PTPRN2: variants seen among roughly 807,000 people sequenced by gnomAD.
PTPRN2 encodes protein tyrosine phosphatase receptor type N2, also known as receptor-type tyrosine-protein phosphatase N2.
PTPRN2 carries 74 observed loss-of-function variants against 118.8 expected under a neutral mutation model. The observed-to-expected ratio is 0.62, with a 90% CI of 0.52 to 0.76. The LOEUF (loss-of-function observed/expected upper bound fraction) is 0.76. Among genes scored for constraint, PTPRN2 ranks in the 30% least tolerant of loss-of-function variants. The pLI is 0.00. For missense variants in PTPRN2, 1,481 were observed against 1,394.4 expected (o/e 1.06, Z -0.99); for synonymous variants, 641 against 608.0 (o/e 1.05, Z -0.80).
intron 6 of PTPRN2, among the ~76,000 whole-genome samples, chr7:158,147,868 G>A (rs1820344902): frequency 6.3e-5 from 8 of 127,674 alleles, no homozygotes; most frequent in Non-Finnish European, 1.4e-4. Context: ...CCCCTTCAAT[G>A]ACACCCCATC....
intron 2 of PTPRN2, among the ~76,000 whole-genome samples, chr7:158,323,749 C>T (rs1024761681): frequency 6.6e-6 from 1 of 152,116 alleles, no homozygotes; most frequent in African/African-American, 2.4e-5. Flanking sequence ...CAAACACAGG[C>T]CTCCTCCAGG....
chr7:158,143,861 C>T (rs1008761745), intron 6 of PTPRN2, among the ~76,000 whole-genome samples: 1 of 152,154 alleles, frequency 6.6e-6, no homozygotes, highest in Non-Finnish European at 1.5e-5. Flanking sequence ...GCAGGCACCA[C>T]AAGGCCTGGG....
rs1639796 is a variant in PTPRN2, at chr7:157,563,009, C to A, written c.2902+5893G>T. 1.6e-4 allele frequency among the ~76,000 whole-genome samples: 9 copies of A among 54,832 alleles called. 4 individuals carry two copies. The highest frequency in any genetic ancestry group is 1.7e-3 in the South Asian group (2 of 1,182). 36.0% of individuals were successfully genotyped at this position (54,832 alleles called of 152,430 possible). On this transcript the variant is annotated intron_variant, in intron 21 of 22. Coordinates refer to ENST00000389418, the MANE Select transcript of PTPRN2 (RefSeq NM_002847.5). The stretch of plus-strand genomic sequence containing the variant: ...ACACAGCAGATCAGGACCACATGCT[C>A]CCACGTCACCACACACAGCAGATCA...
chr7:158,115,806 T>C (rs1563455834), intron 9 of PTPRN2, among the ~76,000 whole-genome samples: 1 of 152,172 alleles, frequency 6.6e-6, no homozygotes, highest in Non-Finnish European at 1.5e-5. Flanking sequence ...AGAGGAAAGA[T>C]CCTGAGGTCA....
chr7:158,332,326 G>A (rs1298802834), intron 2 of PTPRN2, among the ~76,000 whole-genome samples: 1 of 47,864 alleles, frequency 2.1e-5, no homozygotes, highest in Non-Finnish European at 5.6e-5. Context: ...CTCACCATAA[G>A]AGCTGAGGCC....
intron 12 of PTPRN2, among the ~76,000 whole-genome samples, chr7:157,796,757 G>A (rs891349882): frequency 2.6e-5 from 4 of 152,178 alleles, no homozygotes; most frequent in African/African-American, 7.2e-5. Flanking sequence ...CTCGTCCCAC[G>A]GTGGGCGTAG....
At chr7:158,102,738 C>T (rs543729724) in intron 10 of PTPRN2, among the ~76,000 whole-genome samples, 1 of 152,108 alleles carries the variant, frequency 6.6e-6, no homozygotes, top group Admixed American at 6.5e-5. Context: ...TTGAATCACA[C>T]TTGCACTTAA....
intron 12 of PTPRN2, among the ~76,000 whole-genome samples, chr7:157,817,824 G>T (rs1292375885): frequency 2.0e-5 from 3 of 151,988 alleles, no homozygotes; most frequent in African/African-American, 7.3e-5. Flanking sequence ...TGCATGTTTG[G>T]TGTGTGTGTG....
intron 12 of PTPRN2, chr7:157,740,226 A>C (rs1196284807): frequency 6.6e-6 from 1 of 152,250 alleles, no homozygotes; most frequent in African/African-American, 2.4e-5. Flanking sequence ...TTATGTATAC[A>C]TTGTTAAATT....
intron 1 of PTPRN2, among the ~76,000 whole-genome samples, chr7:158,569,448 C>T (rs1158509131): frequency 6.6e-6 from 1 of 152,260 alleles, no homozygotes; most frequent in Non-Finnish European, 1.5e-5. Flanking sequence ...CTGACACCCT[C>T]CCCGGGACGT....
At chr7:157,994,241 T>TG (rs1335975570) in intron 11 of PTPRN2, among the ~76,000 whole-genome samples, 2 of 152,182 alleles carry the variant, frequency 1.3e-5, no homozygotes, top group African/African-American at 4.8e-5. Context: ...CACTTAACAC[T>TG]GGGTGGCAAT....
intron 5 of PTPRN2, among the ~76,000 whole-genome samples, chr7:158,172,348 A>C (rs1432675269): frequency 6.6e-6 from 1 of 152,218 alleles, no homozygotes; most frequent in Non-Finnish European, 1.5e-5. Flanking sequence ...CACACAACTC[A>C]GAGGAGGAAC....
chr7:158,135,999 A>G (rs1364098578), intron 8 of PTPRN2, among the ~76,000 whole-genome samples: 2 of 152,228 alleles, frequency 1.3e-5, no homozygotes, highest in Admixed American at 6.5e-5. Flanking sequence ...AAGACTTAAC[A>G]GGGAAGGCCA....
At chr7:158,521,910 A>C (rs1286629572) in intron 1 of PTPRN2, among the ~76,000 whole-genome samples, 8 of 90,218 alleles carry the variant, frequency 8.9e-5, no homozygotes, top group South Asian at 4.2e-4. Context: ...CTCAGGAGGG[A>C]GGTCCACGTC....
rs749277422 is a variant in PTPRN2 at position 158,143,008 on chromosome 7, C to T, written c.911-4493G>A. ...AGAATCAGAAGAGCCATCTCAGCCT[C>T]GCAACCGAGCCACCGAGCCACGAGC... On this transcript the variant is annotated intron_variant, in intron 6 of 22. Transcript: ENST00000389418. Among the ~76,000 whole-genome samples, 7 of 152,314 alleles carry T rather than the reference C, an allele frequency of 4.6e-5. No individual in the cohort carries two copies. In the East Asian group the frequency reaches 9.7e-4, roughly 21 times the overall value.
At chr7:157,833,214 A>G (rs1161316300) in intron 12 of PTPRN2, among the ~76,000 whole-genome samples, 506 of 89,938 alleles carry the variant, frequency 5.6e-3, no homozygotes, top group Middle Eastern at 0.035. Flanking sequence ...TGGTGAACTT[A>G]TCCAGGAGCG....
chr7:158,098,855 G>C (rs916489708), intron 10 of PTPRN2, among the ~76,000 whole-genome samples: 1 of 151,980 alleles, frequency 6.6e-6, no homozygotes, highest in Admixed American at 6.5e-5. Context: ...ACGGGGCCGC[G>C]GGGAGGGCCG....
intron 11 of PTPRN2, among the ~76,000 whole-genome samples, chr7:157,936,853 C>T (rs1248639864): frequency 6.6e-6 from 1 of 152,244 alleles, no homozygotes; most frequent in Non-Finnish European, 1.5e-5. Context: ...ATGAGGCCAT[C>T]CTTTCGGTCA....
intron 12 of PTPRN2, among the ~76,000 whole-genome samples, chr7:157,711,548 G>A (rs954087630): frequency 1.3e-5 from 2 of 152,202 alleles, no homozygotes. Flanking sequence ...GGGACCTGAG[G>A]ACTCCGCCCA....
Sources: allele counts gnomAD v4.1 joint callset (sites outside exome capture counted in the v4.1 genomes callset), GRCh38; gene constraint gnomAD v4.1.1; transcripts MANE v1.5; gene names NCBI Gene and HGNC (gene_info 2026-07-23, HGNC 2026-07-21).